The following IQCM variants were observed in gnomAD, a reference collection of about 807,000 sequenced individuals.
IQCM encodes the protein IQ domain-containing protein M.
Under a neutral mutation model 57.6 loss-of-function variants are expected in IQCM, and 45 were observed. That is an observed-to-expected ratio of 0.78 (90% CI 0.62 to 1.00). The LOEUF (loss-of-function observed/expected upper bound fraction) is 1.00, where lower values mean the gene tolerates loss of function less well. Among genes scored for constraint, IQCM ranks in the 50% least tolerant of loss-of-function variants. The probability of loss-of-function intolerance (pLI) is 0.00; values close to 1 mark genes in which losing one functional copy is unlikely to be tolerated. For missense variants in IQCM, 468 were observed against 511.6 expected (o/e 0.91, Z 0.82); for synonymous variants, 148 against 158.9 (o/e 0.93, Z 0.51).
intron 12 of IQCM, among the ~76,000 whole-genome samples, chr4:149,482,365 G>A (rs1314873963): frequency 1.3e-5 from 2 of 151,894 alleles, no homozygotes; most frequent in Non-Finnish European, 2.9e-5. Flanking sequence ...CCAGGTCTTA[G>A]AGAAAAGGGT....
At chr4:149,473,601 T>A (rs1269537233) in intron 12 of IQCM, among the ~76,000 whole-genome samples, 1 of 152,156 alleles carries the variant, frequency 6.6e-6, no homozygotes, top group Non-Finnish European at 1.5e-5. Flanking sequence ...GAAATACCAT[T>A]TGACCCAGCC....
chr4:149,487,859 C>T (rs953334443), intron 12 of IQCM, among the ~76,000 whole-genome samples: 1 of 152,106 alleles, frequency 6.6e-6, no homozygotes, highest in African/African-American at 2.4e-5. Context: ...CTCTCCTGCC[C>T]AGCTCAGTGC....
At chr4:149,733,080 G>T (rs1766611615) in intron 5 of IQCM, among the ~76,000 whole-genome samples, 164 bp downstream of exon 5, 1 of 151,764 alleles carries the variant, frequency 6.6e-6, no homozygotes, top group Non-Finnish European at 1.5e-5. Flanking sequence ...TTCTGGTGGT[G>T]CCCAGAGATT....
At chr4:149,591,455 GT>G (rs201807255) in intron 8 of IQCM, among the ~76,000 whole-genome samples, 71 of 146,564 alleles carry the variant, frequency 4.8e-4, no homozygotes, top group Admixed American at 2.9e-3. Flanking sequence ...GTGGTTAAAG[GT>G]TTTTTTTTTT....
chr4:149,641,299 A>C lies in IQCM; in HGVS notation c.566-20055T>G, dbSNP rs74632225. On this transcript the variant is annotated intron_variant, in intron 7 of 13. Coordinates refer to ENST00000636793, the MANE Select transcript of IQCM (RefSeq NM_001363507.2). ...CTATTTATTAATTCTGATTGAAATT[A>C]CTTTTAAAAGACCCAGGATATTACA... Among the ~76,000 whole-genome samples the C allele has an allele frequency of 9.7e-3, 1,484 of 152,292 alleles. 29 individuals are homozygous for C. The highest frequency in any genetic ancestry group is 0.034 in the African/African-American group (1,409 of 41,562).
intron 12 of IQCM, among the ~76,000 whole-genome samples, chr4:149,518,403 C>A (rs1745216960): frequency 6.6e-6 from 1 of 152,024 alleles, no homozygotes. Context: ...AAGTTTATTC[C>A]TTTGAGTTAA....
chr4:149,671,324 T>C (rs1761259716), intron 7 of IQCM, among the ~76,000 whole-genome samples: 1 of 152,200 alleles, frequency 6.6e-6, no homozygotes, highest in Non-Finnish European at 1.5e-5. Flanking sequence ...GGATTGGTGG[T>C]GATATCCCCT....
intron 12 of IQCM, among the ~76,000 whole-genome samples, chr4:149,485,017 T>G (rs1741319450): frequency 1.3e-5 from 2 of 152,144 alleles, no homozygotes; most frequent in Non-Finnish European, 2.9e-5. Flanking sequence ...ACTTTAGCAC[T>G]TTAAATATGT....
intron 3 of IQCM, among the ~76,000 whole-genome samples, chr4:149,735,999 G>A (rs1008805640): frequency 2.7e-5 from 4 of 148,750 alleles, no homozygotes; most frequent in Admixed American, 1.3e-4. Context: ...CCAATCTGGA[G>A]TACAGTTGCA....
intron 12 of IQCM, among the ~76,000 whole-genome samples, chr4:149,509,008 G>A (rs1744127403): frequency 6.6e-6 from 1 of 152,150 alleles, no homozygotes; most frequent in South Asian, 2.1e-4. Flanking sequence ...CATGTGAGAT[G>A]TGCCTTTTAC....
chr4:149,606,894 C>T (rs1033624788), intron 8 of IQCM, among the ~76,000 whole-genome samples: 6 of 151,940 alleles, frequency 3.9e-5, no homozygotes, highest in South Asian at 4.2e-4. Flanking sequence ...TACAATGAAG[C>T]ACACATACAA....
intron 3 of IQCM, among the ~76,000 whole-genome samples, chr4:149,736,070 T>C (rs1026958655): frequency 5.9e-5 from 9 of 151,752 alleles, no homozygotes; most frequent in Non-Finnish European, 1.2e-4. Flanking sequence ...ACCTCAGCCT[T>C]CTGAGTATCT....
chr4:149,490,492 A>G lies in IQCM; in HGVS notation c.1229-56935T>C, dbSNP rs192296835. On this transcript the variant is annotated intron_variant, in intron 12 of 13. Coordinates refer to ENST00000636793, the MANE Select transcript of IQCM (RefSeq NM_001363507.2). Reference sequence around the variant, plus strand: ...GATAGAACTTCCTCAATAGAAAATAAAAAACATACTATGAGCCAAATCAGG... The same window carrying G: ...GATAGAACTTCCTCAATAGAAAATAGAAAACATACTATGAGCCAAATCAGG... Among the ~76,000 whole-genome samples, 43 of 152,238 alleles carry G rather than the reference A, an allele frequency of 2.8e-4. No homozygotes were observed. The Middle Eastern group carries it at 0.014, about 48-fold the overall frequency.
At chr4:149,635,550 T>TA in intron 7 of IQCM, among the ~76,000 whole-genome samples, 1 of 152,354 alleles carries the variant, frequency 6.6e-6, no homozygotes, top group East Asian at 1.9e-4. Context: ...GCTATTAGAA[T>TA]AAAAATTCAT....
intron 13 of IQCM, among the ~76,000 whole-genome samples, chr4:149,403,643 A>G (rs1732775310): frequency 6.6e-6 from 1 of 151,872 alleles, no homozygotes; most frequent in African/African-American, 2.4e-5. Flanking sequence ...CACTCATCCT[A>G]TGAATATGCC....
chr4:149,706,152 C>T (rs76132035), intron 5 of IQCM, among the ~76,000 whole-genome samples: 411 of 152,006 alleles, frequency 2.7e-3, no homozygotes, highest in Admixed American at 0.01. Flanking sequence ...AGTCACAATT[C>T]GTGTGACAAA....
In IQCM at chr4:149,391,814, T is replaced by G. The variant is rs141206625; in HGVS notation, c.1391-39748A>C. Among the ~76,000 whole-genome samples, 1,291 of 152,160 alleles carry G rather than the reference T, an allele frequency of 8.5e-3. 7 individuals carry two copies. Among genetic ancestry groups the G allele is most frequent in the Non-Finnish European group, 0.015 (995 of 67,960 alleles). Reference sequence around the variant, plus strand: ...ATTTTCCTGATGTTGATTTCTAATTTAATTACATTTTGGTCAAATAACATA... The same window carrying G: ...ATTTTCCTGATGTTGATTTCTAATTGAATTACATTTTGGTCAAATAACATA... On this transcript the variant is annotated intron_variant, in intron 13 of 13. Transcript: ENST00000636793.
chr4:149,545,803 GA>G (rs201963152), intron 12 of IQCM, among the ~76,000 whole-genome samples: 28 of 144,420 alleles, frequency 1.9e-4, no homozygotes, highest in Non-Finnish European at 3.3e-4. Context: ...CAAATGAATG[GA>G]AAAAAAAAGT....
At chr4:149,607,716 A>G (rs1754917073) in intron 8 of IQCM, among the ~76,000 whole-genome samples, 1 of 152,058 alleles carries the variant, frequency 6.6e-6, no homozygotes, top group Non-Finnish European at 1.5e-5. Context: ...TCAGTTTAAA[A>G]TAATTGATTG....
Sources: gnomAD v4.1 joint callset for allele counts (sites outside exome capture counted in the v4.1 genomes callset) on GRCh38, gnomAD v4.1.1 for gene constraint, MANE v1.5 for transcripts, NCBI Gene and HGNC (gene_info 2026-07-23, HGNC 2026-07-21) for gene names.